Variants in LARGE1 observed in about 807,000 individuals in gnomAD.
LARGE1 encodes xylosyl- and glucuronyltransferase LARGE1.
LARGE1 carries 43 observed loss-of-function variants against 87.6 expected under a neutral mutation model. The observed-to-expected ratio is 0.49, with a 90% CI of 0.38 to 0.63. The LOEUF (loss-of-function observed/expected upper bound fraction) is 0.63, where lower values mean the gene tolerates loss of function less well. Ranked by LOEUF, LARGE1 falls within the 30% of genes least tolerant of loss-of-function variation. The pLI, the probability that LARGE1 is intolerant of heterozygous loss-of-function variation, is 0.00. For missense variants in LARGE1, 802 were observed against 1,000.2 expected (o/e 0.80, Z 2.67); for synonymous variants, 434 against 394.6 (o/e 1.10, Z -1.18).
chr22:33,776,965 C>T (rs897050059), intron 1 of LARGE1, among the ~76,000 whole-genome samples: 1 of 152,090 alleles, frequency 6.6e-6, no homozygotes, highest in Non-Finnish European at 1.5e-5. Context: ...CACATGGGCC[C>T]CTGCTCTTGA....
At chr22:33,892,187 C>T (rs1360691708) in intron 1 of LARGE1, among the ~76,000 whole-genome samples, 1 of 152,168 alleles carries the variant, frequency 6.6e-6, no homozygotes, top group African/African-American at 2.4e-5. Flanking sequence ...CATCCCAAAA[C>T]CAGTGTCTTG....
rs79102507 is a variant in LARGE1 at position 33,488,854 on chromosome 22, C to T, written c.788-56589G>A. ...ACCTCTCTAAATCTCCCTGGGGCCA[C>T]ACCAAATGCTCCTTGCGAAGTGCAA... is the stretch of plus-strand genomic sequence containing the variant. On this transcript the variant is annotated intron_variant, in intron 6 of 14. Coordinates refer to ENST00000397394, the MANE Select transcript of LARGE1 (RefSeq NM_133642.5). Among the ~76,000 whole-genome samples, 674 of 152,316 alleles carry T rather than the reference C, an allele frequency of 4.4e-3. 6 individuals are homozygous for T. Among genetic ancestry groups the T allele is most frequent in the African/African-American group, 0.015 (636 of 41,586 alleles).
intron 1 of LARGE1, among the ~76,000 whole-genome samples, chr22:33,828,058 T>C (rs896713693): frequency 3.3e-5 from 5 of 151,976 alleles, no homozygotes; most frequent in Non-Finnish European, 5.9e-5. Flanking sequence ...TGAGAAGAAA[T>C]GAGATGGCGG....
At chr22:33,239,788 C>T (rs141263466) in intron 11 of LARGE1, among the ~76,000 whole-genome samples, 5,872 of 152,110 alleles carry the variant, frequency 0.039, 331 homozygotes, top group African/African-American at 0.12. Flanking sequence ...CCGCCCACCT[C>T]GGCCTCCCAA....
At chr22:33,334,153 CTGTAATCCCAGCACTT>C (rs897464605) in intron 10 of LARGE1, among the ~76,000 whole-genome samples, 35 of 151,346 alleles carry the variant, frequency 2.3e-4, no homozygotes, top group Non-Finnish European at 1.5e-5. Flanking sequence ...TGGCTCATGC[CTGTAATCCCAGCACTT>C]TGGGAGGCCG....
At chr22:33,255,682 T>G (rs149579370) in intron 11 of LARGE1, among the ~76,000 whole-genome samples, 232 of 152,356 alleles carry the variant, frequency 1.5e-3, no homozygotes, top group African/African-American at 5.3e-3. Flanking sequence ...CTTTATTTGA[T>G]TTTTTAAGTT....
chr22:33,774,816 GT>G, intron 1 of LARGE1, among the ~76,000 whole-genome samples: 1 of 152,270 alleles, frequency 6.6e-6, no homozygotes, highest in East Asian at 1.9e-4. Flanking sequence ...GCACATCTCA[GT>G]TTGAAGTAGC....
intron 11 of LARGE1, among the ~76,000 whole-genome samples, chr22:33,208,266 T>C (rs573742928): frequency 1.4e-4 from 21 of 152,310 alleles, no homozygotes; most frequent in African/African-American, 2.9e-4. Flanking sequence ...ATAGGCCACA[T>C]AGAACAGGCT....
chr22:33,451,697 T>G (rs1482701849), intron 6 of LARGE1, among the ~76,000 whole-genome samples: 1 of 151,644 alleles, frequency 6.6e-6, no homozygotes, highest in African/African-American at 2.4e-5. Flanking sequence ...TAGCTGGGAT[T>G]ACAGGCACGC....
At chr22:33,188,428 T>C (rs1362989790) in intron 11 of LARGE1, among the ~76,000 whole-genome samples, 1 of 152,126 alleles carries the variant, frequency 6.6e-6, no homozygotes, top group Non-Finnish European at 1.5e-5. Context: ...TACAGAAGAC[T>C]GAGCTCACAC....
At chr22:33,249,505 T>C (rs889204895) in intron 11 of LARGE1, among the ~76,000 whole-genome samples, 8 of 152,236 alleles carry the variant, frequency 5.3e-5, no homozygotes, top group Admixed American at 3.3e-4. Flanking sequence ...TCTCATTCTC[T>C]TGATACTGTC....
At chr22:33,119,953 C>T in the LARGE1 span, among the ~76,000 whole-genome samples, 2 of 152,104 alleles carry the variant, frequency 1.3e-5, no homozygotes, top group African/African-American at 4.8e-5. Flanking sequence ...CCTTTAGGAG[C>T]TGAACAGCAG....
chr22:33,559,814 A>G (rs2077800829), intron 6 of LARGE1, among the ~76,000 whole-genome samples: 1 of 152,186 alleles, frequency 6.6e-6, no homozygotes, highest in African/African-American at 2.4e-5. Flanking sequence ...ATGCTGGGCC[A>G]GAATTCTGGA....
At chr22:33,349,517 T>C (rs141500217) in intron 9 of LARGE1, among the ~76,000 whole-genome samples, 439 of 152,306 alleles carry the variant, frequency 2.9e-3, no homozygotes, top group Admixed American at 6.1e-3. Context: ...GATCCTTCAA[T>C]GCAAGAGCTG....
At chr22:33,435,684 T>C (rs2067244569) in intron 6 of LARGE1, among the ~76,000 whole-genome samples, 1 of 152,128 alleles carries the variant, frequency 6.6e-6, no homozygotes, top group Admixed American at 6.5e-5. Context: ...CTCAAGGTCT[T>C]CATCTCCAGA....
chr22:33,606,505 G>A (rs2079268441), intron 4 of LARGE1, among the ~76,000 whole-genome samples: 1 of 151,998 alleles, frequency 6.6e-6, no homozygotes, highest in Non-Finnish European at 1.5e-5. Context: ...TGGCCTTTTA[G>A]CTCTCGGCCG....
chr22:33,113,719 G>A, the LARGE1 span, among the ~76,000 whole-genome samples: 1 of 152,166 alleles, frequency 6.6e-6, no homozygotes. Context: ...GCTGACTTGA[G>A]TTTCAAATTC....
rs1256626442 is a variant in LARGE1 at position 33,493,178 on chromosome 22, TG to T, written c.788-60914del. ...CCTTTTTTTTTTTTTTTTTTTTTTT[TG>T]AGACATAGTCTTGCTCTGTCGCCCA... On this transcript the variant is annotated intron_variant, in intron 6 of 14. Coordinates refer to ENST00000397394, the MANE Select transcript of LARGE1 (RefSeq NM_133642.5). Among the ~76,000 whole-genome samples, 159 of 147,414 alleles carry T rather than the reference TG, an allele frequency of 1.1e-3. 1 individual carries two copies. In the East Asian group the frequency reaches 0.026, roughly 24 times the overall value.
intron 1 of LARGE1, among the ~76,000 whole-genome samples, chr22:33,857,484 A>G (rs1446414991): frequency 2.6e-5 from 4 of 152,280 alleles, no homozygotes; most frequent in Non-Finnish European, 5.9e-5. Context: ...TCAAGGACAC[A>G]TACTAACAAA....
Sources: gnomAD v4.1 joint callset for allele counts (sites outside exome capture counted in the v4.1 genomes callset) on GRCh38, gnomAD v4.1.1 for gene constraint, MANE v1.5 for transcripts, NCBI Gene and HGNC (gene_info 2026-07-23, HGNC 2026-07-21) for gene names.